Variants in GABRE observed in about 807,000 individuals in gnomAD.
The protein encoded by GABRE is gamma-aminobutyric acid receptor subunit epsilon.
Under a neutral mutation model 31.0 loss-of-function variants are expected in GABRE, and 20 were observed. That is an observed-to-expected ratio of 0.64 (90% confidence interval 0.45 to 0.94). GABRE has a LOEUF of 0.94. GABRE is among the 40% of genes least tolerant of loss of function. The probability of loss-of-function intolerance (pLI) is 0.00; values close to 1 mark genes in which losing one functional copy is unlikely to be tolerated. For synonymous variants in GABRE, 155 were observed against 150.6 expected (o/e 1.03, Z -0.21); for missense variants, 420 against 410.7 (o/e 1.02, Z -0.20).
intron 6 of GABRE, chrX:151,959,036 C>T (rs760442262): frequency 1.5e-5 from 5 of 329,162 alleles, no homozygotes; most frequent in Admixed American, 6.2e-5. Flanking sequence ...ATTCTGGAAA[C>T]GATGAGGGCA....
At position 151,954,945 on chromosome X, in the gene GABRE, TG is replaced by T; in HGVS notation, c.1276del (p.Gln426SerfsTer65). 8.3e-7 allele frequency: 1 copy of T among 1,209,276 alleles called. No homozygotes were observed. The highest frequency in any genetic ancestry group is 1.1e-6 in the Non-Finnish European group (1 of 894,245). On this transcript the variant is annotated frameshift_variant, in exon 9 of 9. Transcript: ENST00000370328. LOFTEE classifies it high-confidence loss of function. ...DGEERPSCSA[Q>X]QPPSPGSPEG... ...AGGGCTACCTGGGCTAGGGGGCTGCTGGGCTGAGCAAGACGGGCGCTCCTCT... is the reference window on the plus strand; with the variant it reads ...AGGGCTACCTGGGCTAGGGGGCTGCTGGCTGAGCAAGACGGGCGCTCCTCT...
intron 6 of GABRE, chrX:151,956,230 T>G: frequency 5.4e-6 from 1 of 185,251 alleles, no homozygotes; most frequent in Non-Finnish European, 1.0e-5. Context: ...AAGGGCTTCA[T>G]ACCCTCTGAG....
At chrX:151,961,685 C>T (rs1478966346) in intron 4 of GABRE, among the ~76,000 whole-genome samples, 1 of 111,334 alleles carries the variant, frequency 9.0e-6, no homozygotes, top group Non-Finnish European at 1.9e-5. Flanking sequence ...GTCTCGAACT[C>T]CTGACCTCAA....
intron 3 of GABRE, among the ~76,000 whole-genome samples, chrX:151,966,777 G>A (rs887438363): frequency 8.9e-6 from 1 of 112,337 alleles, no homozygotes. Flanking sequence ...ATTTTCAAAA[G>A]ACACTTGGCT....
chrX:151,968,400 T>G (rs1341303715), intron 3 of GABRE, among the ~76,000 whole-genome samples: 1 of 112,708 alleles, frequency 8.9e-6, no homozygotes, highest in Non-Finnish European at 1.9e-5. Context: ...TACATAGTAA[T>G]GCATAGGTAG....
rs146228562 is a variant in GABRE, at chrX:151,960,975, T to G, written c.646+308A>C. 4.5e-5 allele frequency among the ~76,000 whole-genome samples: 5 copies of G among 111,319 alleles called. No individual in the cohort carries two copies. In the East Asian group the frequency reaches 1.4e-3, roughly 32 times the overall value. ...GAGACAATGAATTTCATTTTGGACA[T>G]GTGCAGTTTCAAAGTGAAGATGTGG... On this transcript the variant is annotated intron_variant, in intron 5 of 8. Transcript: ENST00000370328.
At chrX:151,968,817 A>G (rs1394359777) in intron 3 of GABRE, among the ~76,000 whole-genome samples, 1 of 112,296 alleles carries the variant, frequency 8.9e-6, no homozygotes, top group African/African-American at 3.2e-5. Context: ...GATAATTACA[A>G]TGAAATGATG....
chrX:151,959,720 A>C (rs776755833), intron 6 of GABRE, 119 bp downstream of exon 6: 7 of 794,393 alleles, frequency 8.8e-6, no homozygotes, highest in Non-Finnish European at 1.1e-5. Context: ...AGCAATTATA[A>C]GACAGGAGCC....
At chrX:151,957,127 C>T (rs1364911726) in intron 6 of GABRE, 6 of 158,654 alleles carry the variant, frequency 3.8e-5, no homozygotes, top group Admixed American at 3.0e-4. Context: ...ACCCAGCAGA[C>T]ACTCAGCAAC....
chrX:151,966,888 T>C (rs1342075228), intron 3 of GABRE, among the ~76,000 whole-genome samples: 1 of 112,067 alleles, frequency 8.9e-6, no homozygotes, highest in African/African-American at 3.2e-5. Flanking sequence ...TGCTGGGTTA[T>C]TAGACTATAT....
intron 6 of GABRE, chrX:151,956,140 AAG>A (rs1006087969): frequency 3.1e-6 from 1 of 319,857 alleles, no homozygotes; most frequent in African/African-American, 2.6e-5. Context: ...GCAGGTTGGC[AAG>A]AGAGTCAGGT....
At chrX:151,972,001 C>G (rs1172919612) in intron 1 of GABRE, 2 of 737,260 alleles carry the variant, frequency 2.7e-6, no homozygotes, top group African/African-American at 4.8e-5. Flanking sequence ...GCTGTTCACT[C>G]ATGATGTCTA....
Position 151,955,490 on chromosome X carries a change from CT to C in GABRE, c.1014del (p.Ala339ProfsTer26). 1 of 1,211,671 alleles carries C rather than the reference CT, an allele frequency of 8.3e-7. No individual in the cohort carries two copies. Among genetic ancestry groups the C allele is most frequent in the Non-Finnish European group, 1.1e-6 (1 of 895,204 alleles). On this transcript the variant is annotated frameshift_variant, in exon 8 of 9. Transcript: ENST00000370328. LOFTEE classifies it high-confidence loss of function. Reference protein sequence around the residue: ...RKNFPRVSYITALDFYIAICF... With the variant: ...RKNFPRVSYIXALDFYIAICF... ...CAGATGGCGATATAGAAATCCAAGG[CT>C]GTGATATAGGAGACACGCGGGAAAT...
At chrX:151,970,876 T>C (rs745889732) in intron 1 of GABRE, among the ~76,000 whole-genome samples, 40 of 110,895 alleles carry the variant, frequency 3.6e-4, no homozygotes, top group Non-Finnish European at 5.9e-4. Context: ...TTTTGCGGTT[T>C]TGTTGGTTGT....
intron 3 of GABRE, among the ~76,000 whole-genome samples, chrX:151,966,094 A>T (rs1922396678): frequency 8.9e-6 from 1 of 112,247 alleles, no homozygotes; most frequent in African/African-American, 3.2e-5. Flanking sequence ...CTATGTTATG[A>T]AGTGTTTCAA....
chrX:151,971,932 T>G (rs1194288456), intron 1 of GABRE: 1 of 247,315 alleles, frequency 4.0e-6, no homozygotes, highest in Non-Finnish European at 5.5e-6. Context: ...GTTGCAATGC[T>G]GTATTTCCTG....
chrX:151,961,919 C>T (rs192550567), intron 4 of GABRE, among the ~76,000 whole-genome samples: 7 of 112,202 alleles, frequency 6.2e-5, no homozygotes, highest in Non-Finnish European at 1.1e-4. Flanking sequence ...CAACTTCGAT[C>T]GGCTTTTGTT....
At chrX:151,964,312 C>T (rs1934466711) in intron 3 of GABRE, among the ~76,000 whole-genome samples, 1 of 111,838 alleles carries the variant, frequency 8.9e-6, no homozygotes, top group Non-Finnish European at 1.9e-5. Flanking sequence ...CCTCCCTTTA[C>T]CAGTGGGCAA....
At position 151,953,961 on chromosome X, in the gene GABRE, G is replaced by A. The variant is rs1167275184; in HGVS notation, c.*740C>T. 2.0e-4 allele frequency: 22 copies of A among 111,775 alleles called. No individual in the cohort carries two copies. The Admixed American group carries it at 2.1e-3, about 11-fold the overall frequency. The allele number at this position is 111,775 out of a possible 1,213,427, so 9.2% of individuals were successfully genotyped here. ...GTTACTATAATCACACACAAAAATA[G>A]ATACCCATTGGATGAAGGGCATTGA... On this transcript the variant is annotated 3_prime_UTR_variant, in exon 9 of 9. Coordinates refer to ENST00000370328, the MANE Select transcript of GABRE (RefSeq NM_004961.4).
Sources: gnomAD v4.1 joint callset for allele counts (sites outside exome capture counted in the v4.1 genomes callset) on GRCh38, gnomAD v4.1.1 for gene constraint, MANE v1.5 for transcripts, NCBI Gene and HGNC (gene_info 2026-07-23, HGNC 2026-07-21) for gene names.